Variants in DLGAP5 observed in about 807,000 individuals in gnomAD.
DLGAP5 encodes the protein disks large-associated protein 5.
Under a neutral mutation model 99.6 loss-of-function variants are expected in DLGAP5, and 90 were observed. That is an observed-to-expected ratio of 0.90 (90% confidence interval 0.76 to 1.08). DLGAP5 has a LOEUF of 1.08. DLGAP5 is among the 50% of genes least tolerant of loss of function. The pLI is 0.00. For missense variants in DLGAP5, 1,036 were observed against 983.5 expected, an observed-to-expected ratio of 1.05 and a Z score of -0.71; for synonymous variants, 311 against 321.3, an observed-to-expected ratio of 0.97 and a Z score of 0.34.
intron 12 of DLGAP5, among the ~76,000 whole-genome samples, chr14:55,164,809 CTA>C (rs1461558999): frequency 1.3e-5 from 2 of 151,350 alleles, no homozygotes; most frequent in Admixed American, 1.3e-4. Flanking sequence ...GTAATCCCAG[CTA>C]TTCGGGAGGC....
intron 10 of DLGAP5, among the ~76,000 whole-genome samples, chr14:55,174,851 C>T (rs994301897): frequency 3.3e-5 from 5 of 152,012 alleles, no homozygotes; most frequent in Admixed American, 6.6e-5. Flanking sequence ...CCACCACGCC[C>T]GGATAATTTT....
At chr14:55,154,266 A>C (rs1258481454) in intron 15 of DLGAP5, among the ~76,000 whole-genome samples, 1 of 152,162 alleles carries the variant, frequency 6.6e-6, no homozygotes, top group Non-Finnish European at 1.5e-5. Context: ...GTGAAGCTAA[A>C]GAGAATTAAT....
At chr14:55,160,572 T>C (rs1356218968) in intron 13 of DLGAP5, among the ~76,000 whole-genome samples, 4 of 151,682 alleles carry the variant, frequency 2.6e-5, no homozygotes, top group East Asian at 2.0e-4. Context: ...CCCAGCCTCC[T>C]GAGTAGCTGG....
At chr14:55,180,902 A>G in intron 5 of DLGAP5, 124 bp from the exon 6 acceptor site, 1 of 1,273,154 alleles carries the variant, frequency 7.9e-7, no homozygotes, top group East Asian at 2.4e-5. Context: ...GGATTACTTC[A>G]GCCCAGGAGT....
chr14:55,160,771 C>T (rs10149435), intron 13 of DLGAP5, among the ~76,000 whole-genome samples: 59,921 of 151,756 alleles, frequency 0.39, 12,167 homozygotes, highest in African/African-American at 0.41. Flanking sequence ...AAATTAAGTG[C>T]CTAATAACTT....
intron 8 of DLGAP5, among the ~76,000 whole-genome samples, chr14:55,176,659 C>G (rs1883070311): frequency 6.6e-6 from 1 of 151,894 alleles, no homozygotes; most frequent in Non-Finnish European, 1.5e-5. Context: ...CTAATAATAA[C>G]TTTTTAAGAG....
rs765022498 is a variant in DLGAP5, at chr14:55,175,337, C to A, written c.1301+9G>T. 1.0e-5 allele frequency: 16 copies of A among 1,605,590 alleles called. No homozygotes were observed. The East Asian group carries it at 3.2e-4, about 32-fold the overall frequency. ...ACAAAATTCTTACACTAGAAACACACAGACATACCTGAAATATGGCACACC... is the reference window on the plus strand; with the variant it reads ...ACAAAATTCTTACACTAGAAACACAAAGACATACCTGAAATATGGCACACC... On this transcript the variant is annotated intron_variant, in intron 10 of 18. Transcript: ENST00000247191.
intron 12 of DLGAP5, among the ~76,000 whole-genome samples, chr14:55,164,146 C>T (rs1594669532): frequency 6.6e-6 from 1 of 152,232 alleles, no homozygotes; most frequent in East Asian, 1.9e-4. Flanking sequence ...CTTATACACA[C>T]ATATCCTCTT....
chr14:55,171,514 G>A (rs146865781), intron 10 of DLGAP5, among the ~76,000 whole-genome samples: 1 of 152,324 alleles, frequency 6.6e-6, no homozygotes, highest in East Asian at 1.9e-4. Flanking sequence ...CTTGTATGCT[G>A]TTGATGGGAA....
At chr14:55,175,505 T>C (rs755228357) in intron 9 of DLGAP5, 33 bp from the exon 10 acceptor site, 6 of 1,151,162 alleles carry the variant, frequency 5.2e-6, no homozygotes, top group Admixed American at 5.5e-5. Flanking sequence ...CATATAAATT[T>C]CAAAGCAACA....
intron 8 of DLGAP5, 152 bp from the exon 9 acceptor site, chr14:55,176,170 A>G (rs1883055719): frequency 1.7e-6 from 1 of 587,632 alleles, no homozygotes; most frequent in Admixed American, 3.2e-5. Flanking sequence ...GAAAATGTAA[A>G]CACCTATAGT....
chr14:55,164,393 G>C (rs72718806), intron 12 of DLGAP5, among the ~76,000 whole-genome samples: 21 of 152,176 alleles, frequency 1.4e-4, no homozygotes, highest in African/African-American at 4.6e-4. Flanking sequence ...ACAATTCAGC[G>C]GGGAAAAGAC....
chr14:55,180,592 G>T (rs1280191637), intron 6 of DLGAP5, 64 bp downstream of exon 6: 3 of 1,588,196 alleles, frequency 1.9e-6, no homozygotes, highest in Admixed American at 1.8e-5. Context: ...TTTTTGAAAC[G>T]GAACACAAAA....
chr14:55,158,796 C>T, intron 13 of DLGAP5, 55 bp from the exon 14 acceptor site: 1 of 1,296,590 alleles, frequency 7.7e-7, no homozygotes, highest in Non-Finnish European at 1.1e-6. Flanking sequence ...ACAAGAAAAA[C>T]ACACAACAAA....
At chr14:55,176,569 A>T (rs2036030887) in intron 8 of DLGAP5, among the ~76,000 whole-genome samples, 1 of 151,882 alleles carries the variant, frequency 6.6e-6, no homozygotes, top group Non-Finnish European at 1.5e-5. Context: ...AAATATAAAA[A>T]CTGTCAATTA....
chr14:55,187,246 C>T (rs1375267082), intron 2 of DLGAP5, among the ~76,000 whole-genome samples: 1 of 151,594 alleles, frequency 6.6e-6, no homozygotes, highest in Admixed American at 6.6e-5. Context: ...TTGCAGTAGT[C>T]TACTTACTGC....
At chr14:55,148,700 A>C (rs1881908876) in intron 18 of DLGAP5, 10 of 735,814 alleles carry the variant, frequency 1.4e-5, no homozygotes, top group Non-Finnish European at 2.2e-5. Flanking sequence ...AAACAAACAA[A>C]CAAGAAACAC....
intron 12 of DLGAP5, among the ~76,000 whole-genome samples, chr14:55,167,652 A>C (rs1478154524): frequency 3.3e-5 from 5 of 152,164 alleles, no homozygotes; most frequent in Admixed American, 3.3e-4. Context: ...TTTCCTGAGA[A>C]AGGGTACATG....
chr14:55,185,121 C>T (rs1883390167), intron 2 of DLGAP5, among the ~76,000 whole-genome samples: 1 of 152,218 alleles, frequency 6.6e-6, no homozygotes, highest in Non-Finnish European at 1.5e-5. Context: ...CCTACATCCT[C>T]ATCTAGCACT....
Sources: gnomAD v4.1 joint callset for allele counts (sites outside exome capture counted in the v4.1 genomes callset) on GRCh38, gnomAD v4.1.1 for gene constraint, MANE v1.5 for transcripts, NCBI Gene and HGNC (gene_info 2026-07-23, HGNC 2026-07-21) for gene names.